Variants in PPM1F observed in about 807,000 individuals in gnomAD.
The protein encoded by PPM1F is protein phosphatase, Mg2+/Mn2+ dependent 1F.
PPM1F carries 17 observed loss-of-function variants against 35.5 expected under a neutral mutation model. The observed-to-expected ratio is 0.48, with a 90% CI of 0.33 to 0.72. The LOEUF is 0.72. Among genes scored for constraint, PPM1F ranks in the 30% least tolerant of loss-of-function variants. The pLI is 0.02. For missense variants in PPM1F, 521 were observed against 613.0 expected, an observed-to-expected ratio of 0.85 and a Z score of 1.59; for synonymous variants, 241 against 255.5, an observed-to-expected ratio of 0.94 and a Z score of 0.54.
chr22:21,939,327 G>T lies in PPM1F; in HGVS notation c.355+205C>A. 1 of 640,380 alleles carries T rather than the reference G, an allele frequency of 1.6e-6. No homozygotes were observed. Among genetic ancestry groups the T allele is most frequent in the Non-Finnish European group, 2.7e-6 (1 of 375,910 alleles). The allele number at this position is 640,380 out of a possible 1,614,324, so 39.7% of individuals were successfully genotyped here. A position where few individuals can be genotyped will look rare whatever the true frequency, so the allele number is the denominator to read the frequency against. On this transcript the variant is annotated intron_variant, in intron 3 of 7. Transcript: ENST00000263212. This position sits in a 1 kb window ranked among gnomAD's most constrained non-coding sequence, Gnocchi z 5.1. ...CACCCCTGCCTCGTGGGCTGACTGG[G>T]AACTATATGACCTGTGGAGGGCTGT...
chr22:21,940,119 T>C (rs547145871), intron 2 of PPM1F, among the ~76,000 whole-genome samples: 2 of 152,012 alleles, frequency 1.3e-5, no homozygotes, highest in South Asian at 2.1e-4. Flanking sequence ...ATGGAATTAG[T>C]TAAGATGACG....
chr22:21,923,014 A>T lies in PPM1F; in HGVS notation c.*78T>A, dbSNP rs1307702257. 4 of 1,513,192 alleles carry T rather than the reference A, an allele frequency of 2.6e-6. No individual in the cohort carries two copies. Among genetic ancestry groups the T allele is most frequent in the Non-Finnish European group, 3.5e-6 (4 of 1,130,730 alleles). 93.7% of individuals were successfully genotyped at this position (1,513,192 alleles called of 1,614,324 possible). A position where few individuals can be genotyped will look rare whatever the true frequency, so the allele number is the denominator to read the frequency against. On this transcript the variant is annotated 3_prime_UTR_variant, in exon 8 of 8. Transcript: ENST00000263212. ...GCGGGCACCCTGTCCACTGCCTGCC[A>T]CCTGTTGGGTCCTGAGGCTTCTGAG...
At chr22:21,934,647 G>A (rs2070637378) in intron 3 of PPM1F, 1 of 159,104 alleles carries the variant, frequency 6.3e-6, no homozygotes, top group South Asian at 1.5e-4. Flanking sequence ...CACTTTGGGA[G>A]GCCGAGGTGG....
At chr22:21,933,640 T>C (rs1159037107) in intron 4 of PPM1F, 61 bp from the exon 5 acceptor site, 25 of 1,471,748 alleles carry the variant, frequency 1.7e-5, no homozygotes, top group Non-Finnish European at 2.2e-5. Flanking sequence ...CAGTGGGGCG[T>C]GGCGCCAGGC....
At chr22:21,934,440 A>G (rs2070634810) in intron 3 of PPM1F, 2 of 555,184 alleles carry the variant, frequency 3.6e-6, no homozygotes, top group South Asian at 4.5e-5. Context: ...CTCCCATCCC[A>G]CCATGGAGCA....
rs1199309249 is a variant in PPM1F at position 21,934,082 on chromosome 22, C to T, written c.500G>A (p.Arg167His). ...GGACACGTGCCGGTCCTCCATCTTG[C>T]GGCGAGTGTTCCGGATGGCGTGGAT... Reference protein sequence around the residue: ...VSIHAIRNTRRKMEDRHVSLP... With the variant: ...VSIHAIRNTRHKMEDRHVSLP... The change falls in exon 4 of 8, where the codon CGC (arginine) becomes CAC (histidine). Residue 167 changes from arginine to histidine, a missense_variant. Transcript: ENST00000263212. The T allele has an allele frequency of 1.1e-5, 17 of 1,564,674 alleles. No individual in the cohort carries two copies. The highest frequency in any genetic ancestry group is 1.4e-5 in the African/African-American group (1 of 73,834).
In PPM1F at chr22:21,952,831, C is replaced by G. The variant is rs1040218443; in HGVS notation, c.-100G>C. On this transcript the variant is annotated 5_prime_UTR_variant, in exon 1 of 8. Coordinates refer to ENST00000263212, the MANE Select transcript of PPM1F (RefSeq NM_014634.4). Reference sequence around the variant, plus strand: ...GGCCTCAGCTGTCTCCTCGCGGCTCCGTGTCCCGCAAGCTGCTGCCGGCCG... The same window carrying G: ...GGCCTCAGCTGTCTCCTCGCGGCTCGGTGTCCCGCAAGCTGCTGCCGGCCG... 2 of 151,994 alleles carry G rather than the reference C, an allele frequency of 1.3e-5. No individual in the cohort carries two copies. Among genetic ancestry groups the G allele is most frequent in the Admixed American group, 6.5e-5 (1 of 15,272 alleles). The allele number at this position is 151,994 out of a possible 1,614,324, so 9.4% of individuals were successfully genotyped here.
chr22:21,945,703 T>A (rs2070769357), intron 2 of PPM1F, 140 bp downstream of exon 2: 1 of 806,386 alleles, frequency 1.2e-6, no homozygotes, highest in Non-Finnish European at 1.9e-6. Context: ...CCACGGGAGT[T>A]CCACATGGTG....
At chr22:21,931,043 A>G in intron 6 of PPM1F, 105 bp downstream of exon 6, 1 of 1,530,276 alleles carries the variant, frequency 6.5e-7, no homozygotes, top group Non-Finnish European at 8.8e-7. Context: ...GAAAGGTGCC[A>G]GGATTACTAC....
At chr22:21,938,593 G>A in intron 3 of PPM1F, 1 of 1,029,816 alleles carries the variant, frequency 9.7e-7, no homozygotes, top group Non-Finnish European at 1.2e-6. Flanking sequence ...GAAAGGAAAG[G>A]AAATGGCAAA....
At chr22:21,930,226 GAA>G (rs1284043328) in intron 6 of PPM1F, among the ~76,000 whole-genome samples, 1 of 152,222 alleles carries the variant, frequency 6.6e-6, no homozygotes, top group Non-Finnish European at 1.5e-5. Context: ...AGACTGTGGG[GAA>G]ATGGACCTTC....
chr22:21,931,083 C>A (rs2070583283), intron 6 of PPM1F, 65 bp downstream of exon 6: 1 of 1,583,014 alleles, frequency 6.3e-7, no homozygotes, highest in South Asian at 1.1e-5. Flanking sequence ...GGGTGGGGTT[C>A]CCCTATGGGC....
Position 21,934,209 on chromosome 22 carries a change from G to C in PPM1F, c.373C>G (p.Leu125Val), listed in dbSNP as rs530107747. 26 of 1,572,058 alleles carry C rather than the reference G, an allele frequency of 1.7e-5. No homozygotes were observed. In the East Asian group the frequency reaches 5.8e-4, roughly 35 times the overall value. Residue 125 changes from leucine (L) to valine (V), a missense_variant, in exon 4 of 8, where the codon CTG (leucine) becomes GTG (valine). Leu to Val is a conservative substitution (Grantham distance 32). This residue lies in a region of PPM1F where 311 missense variants were observed against 351.5 expected (regional missense o/e 0.88). Coordinates refer to ENST00000263212, the MANE Select transcript of PPM1F (RefSeq NM_014634.4). ...APVTLLDAQS[L>V]AQSFFNRLWE... The stretch of plus-strand genomic sequence containing the variant: ...AGGCGGTTAAAGAAACTCTGTGCCA[G>C]GCTTTGGGCATCCAGCACTGATGGG...
chr22:21,933,457 A>G lies in PPM1F; in HGVS notation c.681T>C (p.Pro227=). The G allele has an allele frequency of 6.2e-7, 1 of 1,613,532 alleles. No individual in the cohort carries two copies. Residue 227 remains proline, a synonymous_variant, in exon 5 of 8, where the codon CCT becomes CCC. Coordinates refer to ENST00000263212, the MANE Select transcript of PPM1F (RefSeq NM_014634.4). ...AARQPELPTD[P]EGALREAFRR... ...GGAAGGCTTCTCTGAGGGCTCCCTC[A>G]GGGTCTGTGGGCAGCTCTGGCTGGC...
intron 6 of PPM1F, among the ~76,000 whole-genome samples, chr22:21,927,436 C>T (rs2070529771): frequency 6.6e-6 from 1 of 152,210 alleles, no homozygotes; most frequent in African/African-American, 2.4e-5. Flanking sequence ...GAATGAGGAG[C>T]CTTTCTCTGC....
intron 6 of PPM1F, chr22:21,926,015 C>T (rs1211462833): frequency 1.2e-5 from 3 of 241,662 alleles, no homozygotes; most frequent in African/African-American, 2.2e-5. Flanking sequence ...GTCTCTAGCT[C>T]GGGGACACCG....
chr22:21,948,469 A>C (rs1019811700), intron 1 of PPM1F: 4 of 152,302 alleles, frequency 2.6e-5, no homozygotes, highest in Non-Finnish European at 4.4e-5. Flanking sequence ...GTCAATGAGG[A>C]GGCGGCACGT....
intron 1 of PPM1F, 200 bp from the exon 2 acceptor site, chr22:21,946,308 G>A: frequency 5.4e-6 from 2 of 372,720 alleles, no homozygotes; most frequent in East Asian, 8.2e-5. Flanking sequence ...CTCAGGAGAT[G>A]GTGCCAGGAG....
chr22:21,931,914 G>A (rs1199162912), intron 5 of PPM1F, among the ~76,000 whole-genome samples: 1 of 152,130 alleles, frequency 6.6e-6, no homozygotes, highest in Non-Finnish European at 1.5e-5. Context: ...CTGGGCTCAA[G>A]TGATTCTCAT....
Sources: allele counts gnomAD v4.1 joint callset (sites outside exome capture counted in the v4.1 genomes callset), GRCh38; gene constraint gnomAD v4.1.1; regional missense constraint gnomAD v4.1.1; non-coding constraint Gnocchi (gnomAD v3.1); transcripts MANE v1.5; gene names NCBI Gene and HGNC (gene_info 2026-07-23, HGNC 2026-07-21).